LRP1B: variants seen among roughly 807,000 people sequenced by gnomAD.
LRP1B encodes the protein LDL receptor related protein 1B.
A neutral mutation model predicts 556.6 loss-of-function variants in LRP1B; 217 were observed. The ratio of observed to expected loss-of-function variants is 0.39; its 90% CI spans 0.35 to 0.44. The LOEUF (loss-of-function observed/expected upper bound fraction) is 0.44, where lower values mean the gene tolerates loss of function less well. Ranked by LOEUF, LRP1B falls within the 20% of genes least tolerant of loss-of-function variation. The pLI, the probability that LRP1B is intolerant of heterozygous loss-of-function variation, is 1.00. For missense variants in LRP1B, 5,053 were observed against 5,620.8 expected, an observed-to-expected ratio of 0.90 and a Z score of 3.23; for synonymous variants, 2,047 against 1,865.8, an observed-to-expected ratio of 1.10 and a Z score of -2.50.
chr2:142,116,030 A>T (rs1261638775), intron 1 of LRP1B, among the ~76,000 whole-genome samples: 1 of 145,770 alleles, frequency 6.9e-6, no homozygotes, highest in Non-Finnish European at 1.5e-5. Context: ...CAGGCGGCCA[A>T]CATGGTGAAA....
intron 2 of LRP1B, among the ~76,000 whole-genome samples, chr2:141,615,828 T>A (rs1688276664): frequency 6.6e-6 from 1 of 152,134 alleles, no homozygotes; most frequent in Admixed American, 6.5e-5. Context: ...ATTCCTAGGA[T>A]AAGATTTGGT....
At chr2:141,107,279 T>G (rs1700629408) in intron 7 of LRP1B, among the ~76,000 whole-genome samples, 2 of 152,136 alleles carry the variant, frequency 1.3e-5, no homozygotes, top group Non-Finnish European at 2.9e-5. Flanking sequence ...ATAGGGTGAT[T>G]TATGCACTAT....
chr2:140,362,490 A>G (rs994250645), intron 72 of LRP1B, among the ~76,000 whole-genome samples: 1 of 151,662 alleles, frequency 6.6e-6, no homozygotes, highest in Non-Finnish European at 1.5e-5. Context: ...CTGTCAATTT[A>G]CATTATTTCC....
At position 140,702,522 on chromosome 2, in the gene LRP1B, G is replaced by A. The variant is rs769066601; in HGVS notation, c.6055C>T (p.Pro2019Ser). 1.9e-6 allele frequency: 3 copies of A among 1,613,078 alleles called. No individual in the cohort carries two copies. In the African/African-American group the frequency reaches 4.0e-5, roughly 22 times the overall value. ...TCCAAGCGAGCCTTTCCAATACAGG[G>A]CATTTGTCCCCATTCAGTCCAGAAC... The part of the protein sequence containing the change: ...LLFWTEWGQM[P>S]CIGKARLDGS... The change falls in exon 38 of 91, where the codon CCC becomes TCC. Residue 2019 changes from proline to serine, a missense_variant. Pro to Ser is a moderately conservative substitution (Grantham distance 74). Transcript: ENST00000389484.
At chr2:141,567,303 T>A (rs1686367801) in intron 2 of LRP1B, among the ~76,000 whole-genome samples, 1 of 152,186 alleles carries the variant, frequency 6.6e-6, no homozygotes, top group Admixed American at 6.5e-5. Flanking sequence ...ATTGCAATAA[T>A]TATATATAAA....
At chr2:141,548,842 T>C (rs1016358075) in intron 2 of LRP1B, among the ~76,000 whole-genome samples, 16 of 152,300 alleles carry the variant, frequency 1.1e-4, no homozygotes, top group African/African-American at 3.8e-4. Context: ...TAACATTTTC[T>C]CATTGCATGT....
intron 1 of LRP1B, among the ~76,000 whole-genome samples, chr2:141,923,320 G>C (rs532262652): frequency 6.7e-6 from 1 of 148,846 alleles, no homozygotes; most frequent in African/African-American, 2.5e-5. Context: ...TGGTGAGAAA[G>C]GGGACTGGTC....
chr2:141,955,334 A>C (rs1276898020), intron 1 of LRP1B, among the ~76,000 whole-genome samples: 1 of 152,084 alleles, frequency 6.6e-6, no homozygotes, highest in Non-Finnish European at 1.5e-5. Context: ...TGTGTTTTAG[A>C]TGACAAATGG....
intron 1 of LRP1B, among the ~76,000 whole-genome samples, chr2:141,944,504 A>G (rs1164725105): frequency 6.6e-6 from 1 of 152,136 alleles, no homozygotes; most frequent in East Asian, 1.9e-4. Flanking sequence ...CAAATGGCCA[A>G]GGAATGCTTT....
At chr2:141,315,983 C>A (rs1266382474) in intron 3 of LRP1B, among the ~76,000 whole-genome samples, 3 of 130,534 alleles carry the variant, frequency 2.3e-5, no homozygotes, top group Non-Finnish European at 4.7e-5. Context: ...TGACCAACAT[C>A]TAATATCTAT....
intron 2 of LRP1B, among the ~76,000 whole-genome samples, chr2:141,801,860 T>A (rs1567305): frequency 0.18 from 27,972 of 152,114 alleles, 3,020 homozygotes; most frequent in East Asian, 0.39. Flanking sequence ...GCTGGATTTT[T>A]CTTACACTGG....
chr2:141,077,163 A>G (rs1699809324), intron 7 of LRP1B, among the ~76,000 whole-genome samples: 1 of 152,090 alleles, frequency 6.6e-6, no homozygotes, highest in African/African-American at 2.4e-5. Context: ...CAGAAGAATC[A>G]CTAGAACCCA....
chr2:140,640,757 C>A (rs973047959), intron 41 of LRP1B, among the ~76,000 whole-genome samples: 1 of 151,906 alleles, frequency 6.6e-6, no homozygotes, highest in Non-Finnish European at 1.5e-5. Context: ...ATATATCATT[C>A]GAGTCCCATA....
intron 7 of LRP1B, among the ~76,000 whole-genome samples, chr2:141,121,844 T>C (rs141757742): frequency 6.6e-6 from 1 of 152,290 alleles, no homozygotes; most frequent in East Asian, 1.9e-4. Flanking sequence ...CTACCTGACT[T>C]CATGCTATAC....
At chr2:142,089,592 C>T (rs769873673) in intron 1 of LRP1B, among the ~76,000 whole-genome samples, 49 of 152,304 alleles carry the variant, frequency 3.2e-4, no homozygotes, top group Non-Finnish European at 4.4e-4. Context: ...GTCAAAGACG[C>T]ATCCCATTCA....
rs188285614 is a variant in LRP1B, at chr2:141,250,964, G to A, written c.463+3558C>T. 8.1e-4 allele frequency among the ~76,000 whole-genome samples: 124 copies of A among 152,254 alleles called. 2 individuals carry two copies. The highest frequency in any genetic ancestry group is 7.1e-3 in the Admixed American group (109 of 15,278). On this transcript the variant is annotated intron_variant, in intron 4 of 90. Transcript: ENST00000389484. ...TCTAAAATTACATTTGAAATTATTT[G>A]TGTGTTGTGATATAAAACATTTTCC...
At chr2:140,286,315 C>T (rs1683148561) in intron 84 of LRP1B, among the ~76,000 whole-genome samples, 1 of 151,662 alleles carries the variant, frequency 6.6e-6, no homozygotes, top group African/African-American at 2.4e-5. Flanking sequence ...CCGAAGTTTG[C>T]CAGCATGGGT....
intron 1 of LRP1B, among the ~76,000 whole-genome samples, chr2:141,991,648 C>T (rs1008271407): frequency 2.0e-5 from 3 of 152,000 alleles, no homozygotes; most frequent in African/African-American, 2.4e-5. Context: ...ATAAATATTC[C>T]GCTCCTCTTT....
chr2:140,504,213 C>A (rs561889404), intron 53 of LRP1B, among the ~76,000 whole-genome samples: 4 of 152,234 alleles, frequency 2.6e-5, no homozygotes, highest in Non-Finnish European at 4.4e-5. Context: ...TTAGAGATAA[C>A]AAACACCAAG....
Sources: gnomAD v4.1 joint callset for allele counts (sites outside exome capture counted in the v4.1 genomes callset) on GRCh38, gnomAD v4.1.1 for gene constraint, MANE v1.5 for transcripts, NCBI Gene and HGNC (gene_info 2026-07-23, HGNC 2026-07-21) for gene names.